NECAB3: variants seen among roughly 807,000 people sequenced by gnomAD.
NECAB3 encodes N-terminal EF-hand calcium-binding protein 3.
A neutral mutation model predicts 57.2 loss-of-function variants in NECAB3; 38 were observed. That is an observed-to-expected ratio of 0.66 (90% CI 0.51 to 0.87). The LOEUF is 0.87. Among genes scored for constraint, NECAB3 ranks in the 40% least tolerant of loss-of-function variants. The pLI is 0.00. For missense variants in NECAB3, 474 were observed against 527.5 expected, an observed-to-expected ratio of 0.90 and a Z score of 0.99; for synonymous variants, 223 against 222.6, an observed-to-expected ratio of 1.00 and a Z score of -0.02.
chr20:33,663,258 T>C, intron 5 of NECAB3: 2 of 526,876 alleles, frequency 3.8e-6, no homozygotes, highest in Non-Finnish European at 6.7e-6. Context: ...TCTCATAAAC[T>C]TAGACGGAGC....
At chr20:33,666,031 T>G (rs1830699379) in intron 5 of NECAB3, among the ~76,000 whole-genome samples, 1 of 152,150 alleles carries the variant, frequency 6.6e-6, no homozygotes, top group Non-Finnish European at 1.5e-5. Flanking sequence ...TGCACTGAGC[T>G]GAGATTGCAA....
At chr20:33,669,061 G>A (rs541977485) in intron 5 of NECAB3, 41 of 333,116 alleles carry the variant, frequency 1.2e-4, no homozygotes, top group Admixed American at 1.8e-4. Context: ...AGCAACAGCA[G>A]CCCCTAGTAT....
At position 33,658,805 on chromosome 20, in the gene NECAB3, C is replaced by G; in HGVS notation, c.909G>C (p.Gln303His). 6.2e-7 allele frequency: 1 copy of G among 1,613,046 alleles called. No homozygotes were observed. The highest frequency in any genetic ancestry group is 1.1e-5 in the South Asian group (1 of 91,078). ...LHILMAQRQV[Q>H]VAEEGLQDFH... is the part of the protein sequence containing the mutation. ...AGTCCTGCAGGCCTTCCTCTGCCAC[C>G]TGGACCTGCCTCTGGGCCATGAGGA... Residue 303 changes from glutamine (Q) to histidine (H), a missense_variant, in exon 9 of 12, where the codon CAG (glutamine) becomes CAC (histidine). By Grantham distance (24) the Gln-to-His change is conservative (BLOSUM62 0). Transcript: ENST00000246190.
At chr20:33,671,181 A>T (rs1438698881) in intron 2 of NECAB3, among the ~76,000 whole-genome samples, 1 of 152,214 alleles carries the variant, frequency 6.6e-6, no homozygotes, top group Non-Finnish European at 1.5e-5. Flanking sequence ...AGGAACCTCC[A>T]TTCTCTGGAC....
chr20:33,674,817 G>T (rs1236257846), upstream of NECAB3: 1 of 152,258 alleles, frequency 6.6e-6, no homozygotes, highest in Non-Finnish European at 1.5e-5. Context: ...TGGCGCAGAG[G>T]AAGCCCACAG....
At position 33,659,980 on chromosome 20, in the gene NECAB3, G is replaced by A. The variant is rs751657283; in HGVS notation, c.548C>T (p.Ala183Val). Residue 183 changes from alanine (A) to valine (V), a missense_variant, in exon 7 of 12, where the codon GCG (alanine) becomes GTG (valine). Transcript: ENST00000246190. ...GWRSDAESVE[A>V]QSRLCGSRRA... ...CCGGCTGCCGCAGAGCCTGCTCTGC[G>A]CCTCCACGCTCTCTGCATCTGACCT... 2.0e-5 allele frequency: 32 copies of A among 1,568,562 alleles called. No homozygotes were observed. The highest frequency in any genetic ancestry group is 1.7e-4 in the Middle Eastern group (1 of 6,028).
chr20:33,671,766 G>A (rs1439693071), intron 2 of NECAB3, among the ~76,000 whole-genome samples: 1 of 152,186 alleles, frequency 6.6e-6, no homozygotes, highest in African/African-American at 2.4e-5. Flanking sequence ...CAGGACCCAA[G>A]GCAGGAGGAG....
At chr20:33,671,407 C>CG (rs568469539) in intron 2 of NECAB3, among the ~76,000 whole-genome samples, 8 of 152,048 alleles carry the variant, frequency 5.3e-5, no homozygotes, top group Non-Finnish European at 7.4e-5. Context: ...GGAGCTGACC[C>CG]GGGGGAGGAT....
upstream of NECAB3, chr20:33,674,621 G>A (rs2017916457): frequency 1.2e-5 from 2 of 164,134 alleles, no homozygotes; most frequent in Admixed American, 6.4e-5. Flanking sequence ...GAACCTAGGG[G>A]CTGCGGGCCT....
chr20:33,668,258 G>A, intron 5 of NECAB3: 1 of 1,556,262 alleles, frequency 6.4e-7, no homozygotes, highest in South Asian at 1.2e-5. Context: ...TGGGGGGGGT[G>A]GCACTGCGTT....
intron 5 of NECAB3, 122 bp downstream of exon 5, chr20:33,669,253 G>C (rs750114018): frequency 1.1e-6 from 1 of 943,418 alleles, no homozygotes; most frequent in Non-Finnish European, 1.6e-6. Context: ...CAAAGTGGGA[G>C]CCAGGATTTG....
In NECAB3 at chr20:33,659,799, T is replaced by C. The variant is rs1250263558; in HGVS notation, c.644-67A>G. On this transcript the variant is annotated intron_variant, in intron 7 of 11. Transcript: ENST00000246190. The stretch of plus-strand genomic sequence containing the variant: ...GGTCCCGCAGGTGCTCAGAATGAAG[T>C]GAGGGGCAGTGAAGGAGCGGGCCCT... The C allele has an allele frequency of 4.6e-6, 7 of 1,530,630 alleles. No individual in the cohort carries two copies. In the South Asian group the frequency reaches 4.8e-5, roughly 10 times the overall value. 94.8% of individuals were successfully genotyped at this position (1,530,630 alleles called of 1,614,324 possible). A position where few individuals can be genotyped will look rare whatever the true frequency, so the allele number is the denominator to read the frequency against.
chr20:33,673,483 G>A (rs923510974), intron 1 of NECAB3, among the ~76,000 whole-genome samples: 22 of 152,180 alleles, frequency 1.4e-4, no homozygotes, highest in African/African-American at 5.1e-4. Flanking sequence ...GGGGACATCT[G>A]GGGTCACCCT....
In NECAB3 at chr20:33,660,216, C is replaced by T. The variant is rs750314931; in HGVS notation, c.524+43G>A. 4.4e-6 allele frequency: 7 copies of T among 1,595,834 alleles called. No homozygotes were observed. The Admixed American group carries it at 5.1e-5, about 12-fold the overall frequency. ...GGATTTGGAATGGGGGTACAATGGG[C>T]GCTTGTGCACTAGCCCCACAGGTTG... On this transcript the variant is annotated intron_variant, in intron 6 of 11. Transcript: ENST00000246190. This position sits in a 1 kb window ranked among gnomAD's most constrained non-coding sequence, Gnocchi z 4.1.
intron 5 of NECAB3, chr20:33,662,412 G>A: frequency 1.3e-6 from 2 of 1,551,724 alleles, no homozygotes; most frequent in Non-Finnish European, 1.7e-6. Context: ...GAGGCCGGCT[G>A]ACATGGACAA....
rs754062780 is a variant in NECAB3 at position 33,659,748 on chromosome 20, G to T, written c.644-16C>A. On this transcript the variant is annotated splice_polypyrimidine_tract_variant and intron_variant, in intron 7 of 11. Coordinates refer to ENST00000246190, the MANE Select transcript of NECAB3 (RefSeq NM_031232.4). ...GAGCTGCGCCCTGTGTGTGGGGCCC[G>T]TGCAGGGTCAGGCAGGGGCCTCTCA... is the stretch of plus-strand genomic sequence containing the variant. 2 of 1,573,276 alleles carry T rather than the reference G, an allele frequency of 1.3e-6. No homozygotes were observed. Among genetic ancestry groups the T allele is most frequent in the African/African-American group, 1.4e-5 (1 of 73,950 alleles).
At chr20:33,668,114 G>A (rs1261817167) in intron 5 of NECAB3, 4 of 1,609,644 alleles carry the variant, frequency 2.5e-6, no homozygotes, top group East Asian at 4.5e-5. Context: ...CATGGGCGTG[G>A]CATGGCTGTG....
Position 33,658,544 on chromosome 20 carries a change from G to T in NECAB3, c.1003C>A (p.Gln335Lys), listed in dbSNP as rs61734273. 1,015 of 1,614,054 alleles carry T rather than the reference G, an allele frequency of 6.3e-4. 6 individuals carry two copies. In the African/African-American group the frequency reaches 0.012, roughly 19 times the overall value. ...AQSHCLHVSA[Q>K]KMLDGASFTL... ...AAGGAGGCACCGTCCAGCATCTTCT[G>T]GGCGGACACACTGTAGGGCCAAAGA... Residue 335 changes from glutamine (Q) to lysine (K), a missense_variant, in exon 10 of 12, where the codon CAG (glutamine) becomes AAG (lysine). Physicochemically the swap from Gln to Lys is moderately conservative, Grantham distance 53. Transcript: ENST00000246190.
At chr20:33,667,602 T>C in intron 5 of NECAB3, 1 of 1,579,232 alleles carries the variant, frequency 6.3e-7, no homozygotes, top group Non-Finnish European at 8.6e-7. Context: ...TCTACGCGGG[T>C]CACTCGTGGC....
Sources: gnomAD v4.1 joint callset for allele counts (sites outside exome capture counted in the v4.1 genomes callset) on GRCh38, gnomAD v4.1.1 for gene constraint, Gnocchi (gnomAD v3.1) non-coding constraint, MANE v1.5 for transcripts, NCBI Gene and HGNC (gene_info 2026-07-23, HGNC 2026-07-21) for gene names.